Variants in GAS7 observed in about 807,000 individuals in gnomAD.
The protein encoded by GAS7 is growth arrest-specific protein 7.
A neutral mutation model predicts 71.1 loss-of-function variants in GAS7; 28 were observed. The observed-to-expected ratio is 0.39, with a 90% CI of 0.29 to 0.54. The LOEUF is 0.54. Among genes scored for constraint, GAS7 ranks in the 20% least tolerant of loss-of-function variants. GAS7 has a pLI of 0.62. For missense variants in GAS7, 436 were observed against 627.8 expected, an observed-to-expected ratio of 0.69 and a Z score of 3.27; for synonymous variants, 258 against 245.8, an observed-to-expected ratio of 1.05 and a Z score of -0.46.
Position 9,927,524 on chromosome 17 carries a change from AT to A in GAS7, c.886-756del, listed in dbSNP as rs1567782251. ...AACAAACAAAAAACAATAATAATCA[AT>A]GACCTCACACACTTATTTTATCCCA... On this transcript the variant is annotated intron_variant, in intron 9 of 13. Transcript: ENST00000432992. 7.9e-5 allele frequency among the ~76,000 whole-genome samples: 12 copies of A among 152,064 alleles called. No individual in the cohort carries two copies. The South Asian group carries it at 2.5e-3, about 32-fold the overall frequency.
intron 1 of GAS7, among the ~76,000 whole-genome samples, chr17:10,084,414 G>T: frequency 6.6e-6 from 1 of 152,132 alleles, no homozygotes; most frequent in East Asian, 1.9e-4. Context: ...AGTGAGATTT[G>T]TCCAAGATCA....
rs193293462 is a variant in GAS7, at chr17:9,981,901, A to C, written c.305-17T>G. On this transcript the variant is annotated splice_polypyrimidine_tract_variant and intron_variant, in intron 2 of 13. Coordinates refer to ENST00000432992, the MANE Select transcript of GAS7 (RefSeq NM_201433.2). The surrounding 1 kb of genome is among the most constrained non-coding windows in gnomAD (Gnocchi z 4.4). ...AGGTGGTCTCTGGTGAAAGAAGAGC[A>C]AAGAAAATCACTTTGAGAATGTCAC... 2.0e-3 allele frequency: 2,830 copies of C among 1,408,482 alleles called. 6 individuals are homozygous for C. The highest frequency in any genetic ancestry group is 3.8e-3 in the Admixed American group (224 of 59,716). 87.2% of individuals were successfully genotyped at this position (1,408,482 alleles called of 1,614,324 possible). A position where few individuals can be genotyped will look rare whatever the true frequency, so the allele number is the denominator to read the frequency against.
intron 1 of GAS7, among the ~76,000 whole-genome samples, chr17:10,130,902 G>A (rs2073992056): frequency 6.6e-6 from 1 of 152,194 alleles, no homozygotes; most frequent in African/African-American, 2.4e-5. Context: ...GCTTTTTGAG[G>A]TGCTGGAAAT....
chr17:9,938,323 A>T (rs764863608), intron 8 of GAS7, among the ~76,000 whole-genome samples: 2 of 151,920 alleles, frequency 1.3e-5, no homozygotes, highest in African/African-American at 4.8e-5. Context: ...CCTGACCAAC[A>T]TGGTGAAACC....
chr17:10,018,967 C>T (rs1164179244), intron 2 of GAS7, among the ~76,000 whole-genome samples: 2 of 152,136 alleles, frequency 1.3e-5, no homozygotes, highest in African/African-American at 4.8e-5. Context: ...TGGGGAGTCA[C>T]GGAGGTCAAG....
At chr17:10,100,506 G>A (rs1274937814) in intron 1 of GAS7, among the ~76,000 whole-genome samples, 1 of 152,096 alleles carries the variant, frequency 6.6e-6, no homozygotes, top group Non-Finnish European at 1.5e-5. Context: ...TCCCATCCAG[G>A]TGAGAGCAAG....
At chr17:10,005,444 A>T (rs1248376561) in intron 2 of GAS7, among the ~76,000 whole-genome samples, 1 of 151,706 alleles carries the variant, frequency 6.6e-6, no homozygotes, top group Non-Finnish European at 1.5e-5. Flanking sequence ...TCGGGCCCAA[A>T]CTCAGACACC....
intron 1 of GAS7, among the ~76,000 whole-genome samples, chr17:10,157,330 C>T (rs1017845919): frequency 2.6e-5 from 4 of 152,120 alleles, no homozygotes; most frequent in Non-Finnish European, 4.4e-5. Flanking sequence ...CAACTGCCCC[C>T]GGGAACACCC....
At chr17:10,008,417 A>G (rs535004946) in intron 2 of GAS7, among the ~76,000 whole-genome samples, 1 of 152,362 alleles carries the variant, frequency 6.6e-6, no homozygotes, top group South Asian at 2.1e-4. Context: ...ACAGTCTTGC[A>G]AAGTAACTCA....
intron 2 of GAS7, among the ~76,000 whole-genome samples, chr17:10,005,031 A>C (rs569349982): frequency 2.2e-4 from 31 of 139,036 alleles, no homozygotes; most frequent in South Asian, 2.0e-3. Flanking sequence ...CTCTCTCTCT[A>C]TATATACATA....
chr17:10,085,247 C>G (rs2073504518), intron 1 of GAS7, among the ~76,000 whole-genome samples: 1 of 152,166 alleles, frequency 6.6e-6, no homozygotes, highest in Admixed American at 6.5e-5. Context: ...ATCACCCAAC[C>G]AGCCCAAGGG....
At chr17:10,134,069 C>T (rs915377867) in intron 1 of GAS7, among the ~76,000 whole-genome samples, 4 of 151,510 alleles carry the variant, frequency 2.6e-5, no homozygotes, top group African/African-American at 9.7e-5. Flanking sequence ...CTCGCTCTAT[C>T]GCCCAGGCTG....
intron 3 of GAS7, among the ~76,000 whole-genome samples, chr17:9,970,259 G>T (rs1278308034): frequency 6.6e-6 from 1 of 152,176 alleles, no homozygotes; most frequent in Admixed American, 6.5e-5. Flanking sequence ...TGGTCACCGT[G>T]AAATTAGGCT....
intron 1 of GAS7, among the ~76,000 whole-genome samples, chr17:10,185,130 G>A (rs1330565143): frequency 6.6e-6 from 1 of 152,004 alleles, no homozygotes; most frequent in Non-Finnish European, 1.5e-5. Flanking sequence ...TTTGTATGTT[G>A]GCCAGGCTGT....
At chr17:10,007,368 T>C (rs1430665630) in intron 2 of GAS7, among the ~76,000 whole-genome samples, 1 of 152,100 alleles carries the variant, frequency 6.6e-6, no homozygotes, top group Non-Finnish European at 1.5e-5. Context: ...CTCATGCCTG[T>C]ATTCCCAGCA....
chr17:10,086,897 A>G (rs2073525545), intron 1 of GAS7, among the ~76,000 whole-genome samples: 1 of 152,160 alleles, frequency 6.6e-6, no homozygotes, highest in South Asian at 2.1e-4. Flanking sequence ...GTGTCATACA[A>G]GCCAAAGCAA....
chr17:9,949,850 C>T (rs1567811871), intron 5 of GAS7, among the ~76,000 whole-genome samples: 1 of 148,254 alleles, frequency 6.7e-6, no homozygotes, highest in Non-Finnish European at 1.5e-5. Flanking sequence ...TCCTTCCCTC[C>T]TGCCCTCCCT....
chr17:10,054,966 G>T (rs534113980), intron 1 of GAS7, among the ~76,000 whole-genome samples: 2 of 152,220 alleles, frequency 1.3e-5, no homozygotes, highest in Non-Finnish European at 2.9e-5. Context: ...CCCATCAGCT[G>T]AGAAGGTTTG....
chr17:10,050,574 A>T (rs1295462857), intron 1 of GAS7, among the ~76,000 whole-genome samples: 1 of 152,126 alleles, frequency 6.6e-6, no homozygotes, highest in Admixed American at 6.6e-5. Flanking sequence ...CCAAGGCCCC[A>T]TTCAGGACCA....
Sources: allele counts gnomAD v4.1 joint callset (sites outside exome capture counted in the v4.1 genomes callset), GRCh38; gene constraint gnomAD v4.1.1; non-coding constraint Gnocchi (gnomAD v3.1); transcripts MANE v1.5; gene names NCBI Gene and HGNC (gene_info 2026-07-23, HGNC 2026-07-21).